ZNF804B: variants seen among roughly 807,000 people sequenced by gnomAD.
ZNF804B encodes zinc finger protein 804B.
A neutral mutation model predicts 101.4 loss-of-function variants in ZNF804B; 80 were observed. The ratio of observed to expected loss-of-function variants is 0.79; its 90% confidence interval spans 0.66 to 0.95. ZNF804B has a LOEUF of 0.95. Ranked by LOEUF, ZNF804B falls within the 40% of genes least tolerant of loss-of-function variation. The pLI, the probability that ZNF804B is intolerant of heterozygous loss-of-function variation, is 0.00. For missense variants in ZNF804B, 1,673 were observed against 1,561.9 expected (o/e 1.07, Z -1.20); for synonymous variants, 622 against 558.8 (o/e 1.11, Z -1.59).
chr7:88,845,284 C>T (rs1048289027), intron 1 of ZNF804B, among the ~76,000 whole-genome samples: 5 of 111,180 alleles, frequency 4.5e-5, no homozygotes, highest in Non-Finnish European at 6.9e-5. Context: ...TGTGCGCACG[C>T]GCGCGCGCAC....
chr7:88,971,878 C>A (rs17393952), intron 1 of ZNF804B, among the ~76,000 whole-genome samples: 27,266 of 151,318 alleles, frequency 0.18, 2,620 homozygotes, highest in Middle Eastern at 0.23. Flanking sequence ...ACTCTAGGGA[C>A]CTGGAGTGGA....
chr7:88,854,414 C>CTTT (rs1791502231), intron 1 of ZNF804B, among the ~76,000 whole-genome samples: 56 of 57,108 alleles, frequency 9.8e-4, no homozygotes, highest in East Asian at 3.8e-3. Context: ...TTTCTTTCTT[C>CTTT]CTTTCTTTCT....
intron 1 of ZNF804B, among the ~76,000 whole-genome samples, chr7:89,006,934 A>T (rs1265393205): frequency 6.6e-6 from 1 of 152,154 alleles, no homozygotes; most frequent in Non-Finnish European, 1.5e-5. Flanking sequence ...GACAGGGTCA[A>T]TACTGCACTG....
intron 1 of ZNF804B, among the ~76,000 whole-genome samples, chr7:89,196,755 A>G (rs983490267): frequency 1.3e-5 from 2 of 152,116 alleles, no homozygotes; most frequent in African/African-American, 2.4e-5. Flanking sequence ...CAGCATCTAC[A>G]AGGAACTTAA....
At chr7:89,055,082 G>A (rs186539721) in intron 1 of ZNF804B, among the ~76,000 whole-genome samples, 26 of 152,198 alleles carry the variant, frequency 1.7e-4, no homozygotes, top group African/African-American at 6.0e-4. Context: ...TGAAAGTGAT[G>A]TTAAGTGTTG....
At chr7:88,875,637 A>G (rs1791921093) in intron 1 of ZNF804B, among the ~76,000 whole-genome samples, 1 of 152,036 alleles carries the variant, frequency 6.6e-6, no homozygotes, top group Non-Finnish European at 1.5e-5. Context: ...GAATAGACCA[A>G]TAACAGGCTC....
chr7:89,187,833 G>C (rs1393685165), intron 1 of ZNF804B, among the ~76,000 whole-genome samples: 4 of 152,142 alleles, frequency 2.6e-5, no homozygotes, highest in Non-Finnish European at 5.9e-5. Context: ...TAATGACACT[G>C]TGTTAGAGTT....
chr7:89,066,764 T>G (rs1789461108), intron 1 of ZNF804B, among the ~76,000 whole-genome samples: 7 of 151,980 alleles, frequency 4.6e-5, no homozygotes, highest in Admixed American at 4.6e-4. Flanking sequence ...TTTGTTTTGT[T>G]TTGTTTTGAT....
chr7:89,123,121 T>C (rs965673816), intron 1 of ZNF804B, among the ~76,000 whole-genome samples: 28 of 150,454 alleles, frequency 1.9e-4, no homozygotes, highest in Non-Finnish European at 3.5e-4. Context: ...ACTCCTAGAA[T>C]ATGTAAGTAA....
At chr7:89,178,049 T>G (rs973248442) in intron 1 of ZNF804B, among the ~76,000 whole-genome samples, 1 of 152,180 alleles carries the variant, frequency 6.6e-6, no homozygotes, top group Non-Finnish European at 1.5e-5. Context: ...CCTTTTTTGT[T>G]TGTTGTCTTG....
chr7:88,782,331 A>G (rs938914935), intron 1 of ZNF804B, among the ~76,000 whole-genome samples: 3 of 152,122 alleles, frequency 2.0e-5, no homozygotes, highest in Admixed American at 6.6e-5. Context: ...TGCATTATTT[A>G]TGCAAAGCCT....
intron 1 of ZNF804B, among the ~76,000 whole-genome samples, chr7:88,948,609 G>C (rs1793172704): frequency 6.6e-6 from 1 of 151,798 alleles, no homozygotes; most frequent in African/African-American, 2.4e-5. Context: ...GCCTGCTCCT[G>C]CTGTCCATCT....
At chr7:89,273,805 C>T (rs1223188598) in intron 2 of ZNF804B, among the ~76,000 whole-genome samples, 1 of 152,146 alleles carries the variant, frequency 6.6e-6, no homozygotes, top group Non-Finnish European at 1.5e-5. Flanking sequence ...CCTAGGCCAT[C>T]AGCATTTCCA....
intron 1 of ZNF804B, among the ~76,000 whole-genome samples, chr7:88,952,630 T>A (rs1793242111): frequency 1.3e-5 from 2 of 151,734 alleles, no homozygotes; most frequent in Admixed American, 6.6e-5. Context: ...TTTAACAGCT[T>A]TTGTTCTTAA....
intron 1 of ZNF804B, among the ~76,000 whole-genome samples, chr7:89,041,204 T>G (rs548039029): frequency 1.7e-4 from 26 of 152,328 alleles, no homozygotes; most frequent in African/African-American, 6.3e-4. Context: ...CTCTGAGATG[T>G]ACCTGGAAAC....
chr7:88,934,938 G>A (rs1004900622), intron 1 of ZNF804B, among the ~76,000 whole-genome samples: 15 of 151,742 alleles, frequency 9.9e-5, no homozygotes, highest in African/African-American at 7.3e-5. Flanking sequence ...CATGTTTATA[G>A]CAGCACAATT....
rs543557055 is a variant in ZNF804B at position 88,872,447 on chromosome 7, C to CT, written c.108+112371dup. On this transcript the variant is annotated intron_variant, in intron 1 of 3. Transcript: ENST00000333190. ...GAAAAAAATAAAATCCATGATATTT[C>CT]TTTTTTTTCTTTATGTTTTATTTTA... Among the ~76,000 whole-genome samples, 578 of 151,922 alleles carry CT rather than the reference C, an allele frequency of 3.8e-3. 3 individuals are homozygous for CT. The highest frequency in any genetic ancestry group is 0.013 in the African/African-American group (554 of 41,464).
chr7:89,184,699 A>ACCTTTTAT (rs1788349546), intron 1 of ZNF804B, among the ~76,000 whole-genome samples: 1 of 152,060 alleles, frequency 6.6e-6, no homozygotes, highest in African/African-American at 2.4e-5. Context: ...TATTCTATCC[A>ACCTTTTAT]CCTTTTATCA....
intron 2 of ZNF804B, among the ~76,000 whole-genome samples, chr7:89,283,949 A>G (rs1191454054): frequency 6.6e-6 from 1 of 152,202 alleles, no homozygotes. Context: ...AAAAAGTTAG[A>G]TATGTCATAA....
Sources: gnomAD v4.1 joint callset for allele counts (sites outside exome capture counted in the v4.1 genomes callset) on GRCh38, gnomAD v4.1.1 for gene constraint, MANE v1.5 for transcripts, NCBI Gene and HGNC (gene_info 2026-07-23, HGNC 2026-07-21) for gene names.